SLC25A10: variants seen among roughly 807,000 people sequenced by gnomAD.
The protein encoded by SLC25A10 is mitochondrial dicarboxylate carrier.
In SLC25A10, 32 loss-of-function variants were observed where a neutral mutation model predicts 40.4. The observed-to-expected ratio is 0.79, with a 90% confidence interval of 0.60 to 1.06. The LOEUF is 1.06. Among genes scored for constraint, SLC25A10 ranks in the 50% least tolerant of loss-of-function variants. The pLI is 0.00. For synonymous variants in SLC25A10, 181 were observed against 171.1 expected (o/e 1.06, Z -0.45); for missense variants, 394 against 402.6 (o/e 0.98, Z 0.18).
rs935438450 is a variant in SLC25A10, at chr17:81,715,595, G to T, written c.328+3G>T. The stretch of plus-strand genomic sequence containing the variant: ...GGTGTTGCTGGGCTCCGTCAGCGGT[G>T]AGCTGCCGGGCGGGAGGGGGAGGGG... On this transcript the variant is annotated splice_donor_region_variant and intron_variant, in intron 3 of 10. Transcript: ENST00000350690. 6 of 1,611,702 alleles carry T rather than the reference G, an allele frequency of 3.7e-6. No individual in the cohort carries two copies. Among genetic ancestry groups the T allele is most frequent in the Non-Finnish European group, 4.2e-6 (5 of 1,178,956 alleles).
Position 81,715,533 on chromosome 17 carries a change from C to G in SLC25A10, c.269C>G (p.Ala90Gly). ...TACGAGACTGTGCGGGACCGTGTGG[C>G]CAAGGGCAGCCAGGGGCCTCTCCCC... ...AIYETVRDRV[A>G]KGSQGPLPFH... Residue 90 changes from alanine (A) to glycine (G), a missense_variant, in exon 3 of 11, where the codon GCC becomes GGC. Ala to Gly is a moderately conservative substitution (Grantham distance 60). Coordinates refer to ENST00000350690, the MANE Select transcript of SLC25A10 (RefSeq NM_012140.5). 1.2e-6 allele frequency: 2 copies of G among 1,612,944 alleles called. No homozygotes were observed. Among genetic ancestry groups the G allele is most frequent in the Non-Finnish European group, 1.7e-6 (2 of 1,179,868 alleles).
rs2037505022 is a variant in SLC25A10, at chr17:81,717,207, G to GT, written c.534+136dup. The GT allele has an allele frequency of 3.5e-6, 4 of 1,129,106 alleles. No homozygotes were observed. The South Asian group carries it at 5.3e-5, about 15-fold the overall frequency. 69.9% of individuals were successfully genotyped at this position (1,129,106 alleles called of 1,614,324 possible). ...ACCAGCTGTGACCTTGTGGGGCAGG[G>GT]TGGGGGGCACGGGTGGGTCAGGGCT... On this transcript the variant is annotated intron_variant, in intron 7 of 10. Coordinates refer to ENST00000350690, the MANE Select transcript of SLC25A10 (RefSeq NM_012140.5).
Position 81,715,648 on chromosome 17 carries a change from G to A in SLC25A10, c.329-45G>A, listed in dbSNP as rs756311240. 23 of 1,612,700 alleles carry A rather than the reference G, an allele frequency of 1.4e-5. No homozygotes were observed. The South Asian group carries it at 1.9e-4, about 13-fold the overall frequency. On this transcript the variant is annotated intron_variant, in intron 3 of 10. Coordinates refer to ENST00000350690, the MANE Select transcript of SLC25A10 (RefSeq NM_012140.5). ...CGGGGTGGTCAGGTCGGCCGAGGAC[G>A]CCGTGTGTCAGCACGGCTCATCTCT... is the stretch of plus-strand genomic sequence containing the variant.
intron 1 of SLC25A10, 130 bp from the exon 2 acceptor site, chr17:81,714,823 G>A: frequency 7.9e-7 from 1 of 1,266,790 alleles, no homozygotes; most frequent in South Asian, 1.4e-5. Context: ...CCAGGCACGG[G>A]TGTGGAGTCC....
Position 81,712,441 on chromosome 17 carries a change from G to T in SLC25A10, c.15G>T (p.Ala5=). 2.3e-6 allele frequency: 3 copies of T among 1,304,444 alleles called. No individual in the cohort carries two copies. Among genetic ancestry groups the T allele is most frequent in the Non-Finnish European group, 2.9e-6 (3 of 1,028,342 alleles). The allele number at this position is 1,304,444 out of a possible 1,614,324, so 80.8% of individuals were successfully genotyped here. A position where few individuals can be genotyped will look rare whatever the true frequency, so the allele number is the denominator to read the frequency against. Residue 5 remains alanine (A), a synonymous_variant, in exon 1 of 11, where the codon GCG becomes GCT. Coordinates refer to ENST00000350690, the MANE Select transcript of SLC25A10 (RefSeq NM_012140.5). ...TCTCCTGGGCCATGGCAGCCGAGGCGCGCGTGTCGCGCTGGTACTTCGGGG... is the reference window on the plus strand; with the variant it reads ...TCTCCTGGGCCATGGCAGCCGAGGCTCGCGTGTCGCGCTGGTACTTCGGGG... MAAE[A]RVSRWYFGGL... is the part of the protein sequence containing the mutation.
intron 9 of SLC25A10, 80 bp downstream of exon 9, chr17:81,717,941 C>T: frequency 1.8e-6 from 2 of 1,086,616 alleles, no homozygotes; most frequent in Non-Finnish European, 2.7e-6. Context: ...GACACTCGCA[C>T]TGGGGACCCG....
Position 81,715,548 on chromosome 17 carries a change from G to T in SLC25A10, c.284G>T (p.Gly95Val). The T allele has an allele frequency of 1.2e-6, 2 of 1,612,952 alleles. No homozygotes were observed. Among genetic ancestry groups the T allele is most frequent in the Non-Finnish European group, 1.7e-6 (2 of 1,179,878 alleles). Residue 95 changes from glycine to valine, a missense_variant, in exon 3 of 11, where the codon GGG (glycine) becomes GTG (valine). Physicochemically the swap from Gly to Val is moderately radical, Grantham distance 109 (BLOSUM62 -3). Coordinates refer to ENST00000350690, the MANE Select transcript of SLC25A10 (RefSeq NM_012140.5). Reference sequence around the variant, plus strand: ...GACCGTGTGGCCAAGGGCAGCCAGGGGCCTCTCCCCTTCCACGAGAAGGTG... The same window carrying T: ...GACCGTGTGGCCAAGGGCAGCCAGGTGCCTCTCCCCTTCCACGAGAAGGTG... ...VRDRVAKGSQ[G>V]PLPFHEKVLL...
At chr17:81,714,178 G>A (rs753447424) in intron 1 of SLC25A10, among the ~76,000 whole-genome samples, 4 of 152,214 alleles carry the variant, frequency 2.6e-5, no homozygotes, top group South Asian at 2.1e-4. Context: ...ACTGAGCGGC[G>A]GAAGGACTTC....
chr17:81,719,265 G>T (rs539740271), intron 9 of SLC25A10, among the ~76,000 whole-genome samples: 389 of 151,428 alleles, frequency 2.6e-3, no homozygotes, highest in African/African-American at 9.0e-3. Context: ...ACAAGGTTTC[G>T]CCATGTTCGC....
chr17:81,715,165 GC>G, intron 2 of SLC25A10, 93 bp downstream of exon 2: 1 of 1,526,648 alleles, frequency 6.6e-7, no homozygotes, highest in Non-Finnish European at 8.8e-7. Flanking sequence ...AAGACTTTGT[GC>G]AAGGAAGGAC....
chr17:81,713,763 G>A (rs557988200), intron 1 of SLC25A10, among the ~76,000 whole-genome samples: 4 of 152,342 alleles, frequency 2.6e-5, no homozygotes, highest in Non-Finnish European at 5.9e-5. Flanking sequence ...GCGTGCTGCT[G>A]TCCCTTGTCC....
At chr17:81,717,276 C>G (rs1363182325) in intron 7 of SLC25A10, 123 bp from the exon 8 acceptor site, 2 of 1,099,240 alleles carry the variant, frequency 1.8e-6, no homozygotes, top group Admixed American at 3.8e-5. Flanking sequence ...CCTGTCTGGG[C>G]CTCACGGACG....
Position 81,717,978 on chromosome 17 carries a change from G to T in SLC25A10, c.705+117G>T. The stretch of plus-strand genomic sequence containing the variant: ...GGAAGGGTGTCCCTCCCTTCTAGTT[G>T]CCTGTCTCTGCACAGCACTTGCCTT... On this transcript the variant is annotated intron_variant, in intron 9 of 10. Transcript: ENST00000350690. 3 of 732,958 alleles carry T rather than the reference G, an allele frequency of 4.1e-6. No homozygotes were observed. The African/African-American group carries it at 5.2e-5, about 13-fold the overall frequency. The allele number at this position is 732,958 out of a possible 1,614,324, so 45.4% of individuals were successfully genotyped here.
At chr17:81,718,955 A>G (rs2144545090) in intron 9 of SLC25A10, among the ~76,000 whole-genome samples, 1 of 151,992 alleles carries the variant, frequency 6.6e-6, no homozygotes, top group African/African-American at 2.4e-5. Flanking sequence ...TCTTAAAAAA[A>G]CAAAAAACAA....
chr17:81,714,835 C>T (rs955065285), intron 1 of SLC25A10, 118 bp from the exon 2 acceptor site: 56 of 1,396,272 alleles, frequency 4.0e-5, no homozygotes, highest in East Asian at 4.9e-5. Context: ...GTGGAGTCCC[C>T]GGGCAGGGCC....
At chr17:81,713,342 T>G in intron 1 of SLC25A10, 1 of 515,422 alleles carries the variant, frequency 1.9e-6, no homozygotes, top group Non-Finnish European at 2.5e-6. Context: ...TTGCACAGTC[T>G]GCCCAGCAGG....
chr17:81,716,219 GC>G (rs2037483620), intron 5 of SLC25A10, among the ~76,000 whole-genome samples, 169 bp downstream of exon 5: 1 of 152,132 alleles, frequency 6.6e-6, no homozygotes, highest in South Asian at 2.1e-4. Flanking sequence ...GTCACTCTGC[GC>G]CCCCAGGACC....
intron 9 of SLC25A10, among the ~76,000 whole-genome samples, chr17:81,718,999 T>C (rs1246738531): frequency 1.3e-4 from 20 of 150,674 alleles, no homozygotes; most frequent in East Asian, 1.2e-3. Flanking sequence ...CTTTTTTTTT[T>C]CCCCTCATTG....
intron 7 of SLC25A10, 74 bp downstream of exon 7, chr17:81,717,146 A>T: frequency 2.6e-6 from 4 of 1,524,966 alleles, no homozygotes; most frequent in Non-Finnish European, 3.6e-6. Context: ...GGGCCATAGA[A>T]CAAGGCACTG....
Sources: gnomAD v4.1 joint callset for allele counts (sites outside exome capture counted in the v4.1 genomes callset) on GRCh38, gnomAD v4.1.1 for gene constraint, MANE v1.5 for transcripts, NCBI Gene and HGNC (gene_info 2026-07-23, HGNC 2026-07-21) for gene names.